ITGA3: variants seen among roughly 807,000 people sequenced by gnomAD.
The protein encoded by ITGA3 is integrin subunit alpha 3, also known as integrin alpha-3.
A neutral mutation model predicts 131.1 loss-of-function variants in ITGA3; 70 were observed. The ratio of observed to expected loss-of-function variants is 0.53; its 90% CI spans 0.44 to 0.65. The LOEUF (loss-of-function observed/expected upper bound fraction) is 0.65, where lower values mean the gene tolerates loss of function less well. Among genes scored for constraint, ITGA3 ranks in the 30% least tolerant of loss-of-function variants. The probability of loss-of-function intolerance (pLI) is 0.00; values close to 1 mark genes in which losing one functional copy is unlikely to be tolerated. For missense variants in ITGA3, 1,098 were observed against 1,388.6 expected (o/e 0.79, Z 3.33); for synonymous variants, 537 against 571.6 (o/e 0.94, Z 0.86).
chr17:50,077,024 C>T lies in ITGA3; in HGVS notation c.1973C>T (p.Thr658Met), dbSNP rs540704248. ...AAATTGCTCCTGAGCATCAACGTGA[C>T]GAACACCCGGACCTCGGAGCGCTCC... is the stretch of plus-strand genomic sequence containing the variant. ...VRKLLLSINV[T>M]NTRTSERSGE... The change falls in exon 15 of 26, where the codon ACG (threonine) becomes ATG (methionine). Residue 658 changes from threonine (T) to methionine (M), a missense_variant. Thr to Met is a moderately conservative substitution (Grantham distance 81, BLOSUM62 -1). Around this residue, in one of 3 missense-constraint regions of ITGA3, gnomAD observed 699 missense variants for 829.2 expected, o/e 0.84. Coordinates refer to ENST00000320031, the MANE Select transcript of ITGA3 (RefSeq NM_002204.4). The T allele has an allele frequency of 2.5e-6, 4 of 1,611,510 alleles. No homozygotes were observed. Among genetic ancestry groups the T allele is most frequent in the South Asian group, 1.1e-5 (1 of 90,874 alleles).
rs757065777 is a variant in ITGA3 at position 50,076,625 on chromosome 17, G to A, written c.1866G>A (p.Glu622=). ...AGTGCGGGCCTGACAACAAGTGTGA[G>A]AGCAACTTGCAGATGCGGGCAGCCT... ...QKECGPDNKC[E]SNLQMRAAFV... Residue 622 remains glutamate (E), a synonymous_variant, in exon 14 of 26, where the codon GAG becomes GAA. Coordinates refer to ENST00000320031, the MANE Select transcript of ITGA3 (RefSeq NM_002204.4). The A allele has an allele frequency of 6.2e-7, 1 of 1,613,712 alleles. No individual in the cohort carries two copies. Among genetic ancestry groups the A allele is most frequent in the African/African-American group, 1.3e-5 (1 of 75,046 alleles).
chr17:50,059,018 A>G (rs1223305422), intron 1 of ITGA3, among the ~76,000 whole-genome samples: 1 of 152,176 alleles, frequency 6.6e-6, no homozygotes. Context: ...CTTGTTCTCC[A>G]TTCATAAGGC....
chr17:50,063,432 C>A (rs16948627), intron 1 of ITGA3: 15,136 of 152,496 alleles, frequency 0.099, 1,211 homozygotes, highest in East Asian at 0.32. Flanking sequence ...GGAGGAAAAA[C>A]CCAGCGTTCT....
intron 6 of ITGA3, 98 bp downstream of exon 6, chr17:50,071,616 C>A: frequency 1.8e-6 from 2 of 1,134,622 alleles, no homozygotes; most frequent in South Asian, 1.5e-5. Context: ...TGCAGTTGTG[C>A]GGCTGTCTGC....
intron 15 of ITGA3, 126 bp downstream of exon 15, chr17:50,077,247 G>T (rs1298257388): frequency 3.1e-6 from 4 of 1,298,200 alleles, no homozygotes; most frequent in Non-Finnish European, 4.3e-6. Flanking sequence ...GGGCCTTCTT[G>T]GGGGCCTTAG....
chr17:50,086,707 A>G (rs1035082561), intron 23 of ITGA3: 2 of 148,172 alleles, frequency 1.3e-5, no homozygotes, highest in African/African-American at 5.1e-5. Context: ...AAAAAAAAAA[A>G]CCTCATATAC....
chr17:50,082,791 A>G (rs1184880554), intron 23 of ITGA3, among the ~76,000 whole-genome samples: 1 of 152,210 alleles, frequency 6.6e-6, no homozygotes, highest in Non-Finnish European at 1.5e-5. Flanking sequence ...AAATATAACA[A>G]ATATGCAGCA....
intron 23 of ITGA3, among the ~76,000 whole-genome samples, chr17:50,084,724 A>G (rs1003304824): frequency 6.6e-6 from 1 of 152,140 alleles, no homozygotes; most frequent in African/African-American, 2.4e-5. Flanking sequence ...GTTTGAGGCT[A>G]TCCTGGGTAA....
intron 16 of ITGA3, among the ~76,000 whole-genome samples, chr17:50,077,773 C>G (rs1369356164): frequency 6.6e-6 from 1 of 152,184 alleles, no homozygotes; most frequent in Non-Finnish European, 1.5e-5. Context: ...GAGGTAGATG[C>G]TCTTTTACAG....
intron 24 of ITGA3, 151 bp from the exon 25 acceptor site, chr17:50,088,074 C>G (rs1400436350): frequency 1.6e-6 from 2 of 1,252,514 alleles, no homozygotes; most frequent in East Asian, 5.1e-5. Context: ...AAGGGGGACC[C>G]AGGAGCTCTG....
Position 50,064,547 on chromosome 17 carries a change from T to C in ITGA3, c.354T>C (p.Ile118=). ...ITVKNDPGHH[I]IEDMWLGVTV... ...CCACAGATGACCCTGGCCATCACATTATTGAGGACATGTGGCTTGGAGTGA... is the reference window on the plus strand; with the variant it reads ...CCACAGATGACCCTGGCCATCACATCATTGAGGACATGTGGCTTGGAGTGA... Residue 118 remains isoleucine, a synonymous_variant, in exon 3 of 26, where the codon ATT becomes ATC. Transcript: ENST00000320031. This position sits in a 1 kb window ranked among gnomAD's most constrained non-coding sequence, Gnocchi z 4.4. 1.2e-6 allele frequency: 2 copies of C among 1,612,854 alleles called. No individual in the cohort carries two copies. The highest frequency in any genetic ancestry group is 1.7e-6 in the Non-Finnish European group (2 of 1,179,740).
intron 1 of ITGA3, among the ~76,000 whole-genome samples, chr17:50,059,587 G>T (rs1168061336): frequency 6.6e-6 from 1 of 152,224 alleles, no homozygotes; most frequent in Non-Finnish European, 1.5e-5. Flanking sequence ...GAGGCAGAAG[G>T]CCTGCTCGTG....
intron 6 of ITGA3, chr17:50,071,771 T>C: frequency 1.6e-6 from 1 of 617,636 alleles, no homozygotes; most frequent in Non-Finnish European, 2.8e-6. Flanking sequence ...GATTTGTGCC[T>C]GCATGGCGTC....
At chr17:50,076,546 G>T (rs755775347) in intron 13 of ITGA3, 38 bp from the exon 14 acceptor site, 2 of 1,608,692 alleles carry the variant, frequency 1.2e-6, no homozygotes, top group South Asian at 2.2e-5. Flanking sequence ...GGCACTGGGG[G>T]GGGTGGTGCG....
chr17:50,074,472 C>T lies in ITGA3; in HGVS notation c.1407C>T (p.Val469=). 1 of 1,614,114 alleles carries T rather than the reference C, an allele frequency of 6.2e-7. No individual in the cohort carries two copies. Among genetic ancestry groups the T allele is most frequent in the Non-Finnish European group, 8.5e-7 (1 of 1,180,010 alleles). Reference sequence around the variant, plus strand: ...GGGCCCGGCCCGTCATCAACATCGTCCACAAGACCTTGGTGCCCAGGCCAG... The same window carrying T: ...GGGCCCGGCCCGTCATCAACATCGTTCACAAGACCTTGGTGCCCAGGCCAG... The part of the protein sequence containing the change: ...LLRARPVINI[V]HKTLVPRPAV... Residue 469 remains valine (V), a synonymous_variant, in exon 10 of 26, where the codon GTC becomes GTT. Coordinates refer to ENST00000320031, the MANE Select transcript of ITGA3 (RefSeq NM_002204.4).
chr17:50,076,690 GGGCCGCC>G lies in ITGA3; in HGVS notation c.1922+16_1922+22del, dbSNP rs769870260. 18 of 1,610,418 alleles carry G rather than the reference GGGCCGCC, an allele frequency of 1.1e-5. No individual in the cohort carries two copies. Among genetic ancestry groups the G allele is most frequent in the Non-Finnish European group, 1.4e-5 (16 of 1,177,296 alleles). The stretch of plus-strand genomic sequence containing the variant: ...CAGCAGAAGCTGAGCAGGTGGCTGT[GGGCCGCC>G]GGCCGCGTTAATCGGCCAAGGGTGG... On this transcript the variant is annotated intron_variant, in intron 14 of 25. Transcript: ENST00000320031.
At position 50,087,997 on chromosome 17, in the gene ITGA3, C is replaced by A; in HGVS notation, c.3045+128C>A. ...CCCCCACCCTTCCTCCCTGTCCTCT[C>A]CACCTTCTACCACCAGCTTACAGTC... On this transcript the variant is annotated intron_variant, in intron 24 of 25. Coordinates refer to ENST00000320031, the MANE Select transcript of ITGA3 (RefSeq NM_002204.4). The A allele has an allele frequency of 3.0e-6, 4 of 1,331,620 alleles. No homozygotes were observed. In the South Asian group the frequency reaches 5.9e-5, roughly 20 times the overall value. The allele number at this position is 1,331,620 out of a possible 1,614,324, so 82.5% of individuals were successfully genotyped here.
chr17:50,057,075 T>C (rs1015644469), intron 1 of ITGA3, among the ~76,000 whole-genome samples: 14 of 152,170 alleles, frequency 9.2e-5, no homozygotes, highest in Non-Finnish European at 1.9e-4. Flanking sequence ...ACCTCGCTGG[T>C]AGTCTGCGGC....
intron 1 of ITGA3, among the ~76,000 whole-genome samples, chr17:50,060,658 G>A (rs942063812): frequency 3.9e-5 from 6 of 152,090 alleles, no homozygotes; most frequent in African/African-American, 1.4e-4. Context: ...CTCCATCTGG[G>A]GGGCTGGGGG....
Sources: allele counts gnomAD v4.1 joint callset (sites outside exome capture counted in the v4.1 genomes callset), GRCh38; gene constraint gnomAD v4.1.1; regional missense constraint gnomAD v4.1.1; non-coding constraint Gnocchi (gnomAD v3.1); transcripts MANE v1.5; gene names NCBI Gene and HGNC (gene_info 2026-07-23, HGNC 2026-07-21).